The following ILKAP variants were observed in gnomAD, a reference collection of about 807,000 sequenced individuals.
ILKAP encodes ILK associated serine/threonine phosphatase.
A neutral mutation model predicts 49.1 loss-of-function variants in ILKAP; 11 were observed. That is an observed-to-expected ratio of 0.22 (90% CI 0.14 to 0.37). The LOEUF (loss-of-function observed/expected upper bound fraction) is 0.37. Ranked by LOEUF, ILKAP falls within the 10% of genes least tolerant of loss-of-function variation. The pLI, the probability that ILKAP is intolerant of heterozygous loss-of-function variation, is 1.00. For missense variants in ILKAP, 363 were observed against 510.8 expected, an observed-to-expected ratio of 0.71 and a Z score of 2.79; for synonymous variants, 186 against 192.8, an observed-to-expected ratio of 0.96 and a Z score of 0.29.
intron 9 of ILKAP, among the ~76,000 whole-genome samples, chr2:238,175,170 G>A (rs180732127): frequency 9.6e-4 from 145 of 151,808 alleles, no homozygotes; most frequent in African/African-American, 3.4e-3. Flanking sequence ...CAGGCTGGAG[G>A]GCAGTGGTGC....
In ILKAP at chr2:238,194,796, A is replaced by G; in HGVS notation, c.121+9T>C. 1 of 1,613,830 alleles carries G rather than the reference A, an allele frequency of 6.2e-7. No individual in the cohort carries two copies. The highest frequency in any genetic ancestry group is 8.5e-7 in the Non-Finnish European group (1 of 1,179,704). On this transcript the variant is annotated intron_variant, in intron 2 of 11. Transcript: ENST00000254654. The stretch of plus-strand genomic sequence containing the variant: ...TTGACACACACCTGGGAGAGCCTGA[A>G]GACTGTACCTGAGTCAGTACTGCTG...
intron 1 of ILKAP, among the ~76,000 whole-genome samples, chr2:238,200,205 T>A (rs1694513413): frequency 6.6e-6 from 1 of 152,150 alleles, no homozygotes; most frequent in African/African-American, 2.4e-5. Flanking sequence ...CAAACACTTT[T>A]TTTTAGGTAA....
chr2:238,189,953 T>C lies in ILKAP; in HGVS notation c.198A>G (p.Ile66Met), dbSNP rs34371548. Residue 66 changes from isoleucine to methionine, a missense_variant, in exon 4 of 12, where the codon ATA (isoleucine) becomes ATG (methionine). This residue lies in a region of ILKAP where 114 missense variants were observed against 116.0 expected (regional missense o/e 0.98). Transcript: ENST00000254654. ...SGDSGSLATS[I>M]SQMVKTEGKG... ...TCCCTTCAGTCTTTACCATCTGGGATATTGATGTGGCAAGAGAACCTGGAA... is the reference window on the plus strand; with the variant it reads ...TCCCTTCAGTCTTTACCATCTGGGACATTGATGTGGCAAGAGAACCTGGAA... 0.017 allele frequency: 27,325 copies of C among 1,613,964 alleles called. 387 individuals carry two copies. Among genetic ancestry groups the C allele is most frequent in the South Asian group, 0.051 (4,641 of 91,076 alleles).
chr2:238,193,788 C>G (rs112776935), intron 3 of ILKAP, among the ~76,000 whole-genome samples: 6 of 152,326 alleles, frequency 3.9e-5, no homozygotes, highest in African/African-American at 1.4e-4. Flanking sequence ...ACCAGAGGAG[C>G]TCTACCTAAG....
At chr2:238,171,278 G>C (rs1424519883) in intron 10 of ILKAP, among the ~76,000 whole-genome samples, 2 of 151,084 alleles carry the variant, frequency 1.3e-5, no homozygotes, top group Admixed American at 1.3e-4. Context: ...TCCTGCCTCA[G>C]CCTCCTGAGT....
chr2:238,180,972 A>G (rs1175164969), intron 9 of ILKAP, among the ~76,000 whole-genome samples: 1 of 152,244 alleles, frequency 6.6e-6, no homozygotes, highest in Non-Finnish European at 1.5e-5. Context: ...TTACGGTGGC[A>G]AAAACTGGGC....
At chr2:238,184,661 G>GA (rs1339069444) in intron 6 of ILKAP, among the ~76,000 whole-genome samples, 1 of 151,330 alleles carries the variant, frequency 6.6e-6, no homozygotes, top group Non-Finnish European at 1.5e-5. Flanking sequence ...CTGGGGCTCA[G>GA]AAAATCCTCC....
At chr2:238,201,869 G>C (rs1694584045) in intron 1 of ILKAP, among the ~76,000 whole-genome samples, 1 of 152,216 alleles carries the variant, frequency 6.6e-6, no homozygotes, top group Admixed American at 6.5e-5. Context: ...TTTTGAAAAT[G>C]AATGGCTGAG....
chr2:238,194,353 A>G, intron 2 of ILKAP, 22 bp from the exon 3 acceptor site: 1 of 1,612,082 alleles, frequency 6.2e-7, no homozygotes, highest in Non-Finnish European at 8.5e-7. Flanking sequence ...CAGAACACTT[A>G]GTGAGCCCAC....
intron 9 of ILKAP, 144 bp downstream of exon 9, chr2:238,181,921 T>A: frequency 1.2e-6 from 1 of 822,130 alleles, no homozygotes; most frequent in Non-Finnish European, 1.9e-6. Context: ...GTCATCCACC[T>A]ATGTCACCAG....
At chr2:238,189,829 T>C in intron 4 of ILKAP, 24 bp downstream of exon 4, 1 of 1,610,472 alleles carries the variant, frequency 6.2e-7, no homozygotes, top group Non-Finnish European at 8.5e-7. Flanking sequence ...GTCTAATACA[T>C]TTGTTTTCAA....
chr2:238,182,287 G>A, intron 8 of ILKAP, 101 bp from the exon 9 acceptor site: 1 of 1,376,096 alleles, frequency 7.3e-7, no homozygotes, highest in Non-Finnish European at 1.0e-6. Flanking sequence ...GAAGAAAACA[G>A]TTAACAATGG....
intron 3 of ILKAP, among the ~76,000 whole-genome samples, chr2:238,193,926 C>A (rs1324366815): frequency 2.0e-5 from 3 of 152,198 alleles, no homozygotes; most frequent in Non-Finnish European, 4.4e-5. Context: ...ATGCTACTAG[C>A]CTCGATACAT....
At chr2:238,199,190 T>C (rs1402979602) in intron 1 of ILKAP, among the ~76,000 whole-genome samples, 3 of 152,222 alleles carry the variant, frequency 2.0e-5, no homozygotes, top group African/African-American at 7.2e-5. Context: ...GCATCTCCAC[T>C]CATTCGACCA....
Position 238,188,994 on chromosome 2 carries a change from C to G in ILKAP, c.299-737G>C, listed in dbSNP as rs139174414. Among the ~76,000 whole-genome samples, 14 of 152,316 alleles carry G rather than the reference C, an allele frequency of 9.2e-5. No individual in the cohort carries two copies. In the South Asian group the frequency reaches 2.7e-3, roughly 29 times the overall value. Reference sequence around the variant, plus strand: ...ATCATACAGCTTTCACTGAGGTAATCTGTGACAAAGGACAATGCAGTCAAT... The same window carrying G: ...ATCATACAGCTTTCACTGAGGTAATGTGTGACAAAGGACAATGCAGTCAAT... On this transcript the variant is annotated intron_variant, in intron 4 of 11. Transcript: ENST00000254654.
intron 1 of ILKAP, among the ~76,000 whole-genome samples, chr2:238,195,834 G>A (rs1213579303): frequency 6.6e-6 from 1 of 151,936 alleles, no homozygotes; most frequent in African/African-American, 2.4e-5. Flanking sequence ...CTTGAGTCCC[G>A]GAGTTCGAGA....
chr2:238,180,167 C>CAA (rs937999114), intron 9 of ILKAP, among the ~76,000 whole-genome samples: 2 of 129,658 alleles, frequency 1.5e-5, no homozygotes, highest in Admixed American at 1.6e-4. Context: ...TTCTCTCTCT[C>CAA]AAAAAAAAAA....
At chr2:238,178,666 T>G (rs1693569056) in intron 9 of ILKAP, among the ~76,000 whole-genome samples, 2 of 152,238 alleles carry the variant, frequency 1.3e-5, no homozygotes, top group Non-Finnish European at 2.9e-5. Context: ...TAAAATGTGT[T>G]GTGTTTCCTA....
At chr2:238,203,143 C>A (rs1457891816) in intron 1 of ILKAP, among the ~76,000 whole-genome samples, 1 of 150,932 alleles carries the variant, frequency 6.6e-6, no homozygotes, top group Non-Finnish European at 1.5e-5. Flanking sequence ...GGAATCGGGG[C>A]GCGGGGGCCC....
Sources: allele counts gnomAD v4.1 joint callset (sites outside exome capture counted in the v4.1 genomes callset), GRCh38; gene constraint gnomAD v4.1.1; regional missense constraint gnomAD v4.1.1; transcripts MANE v1.5; gene names NCBI Gene and HGNC (gene_info 2026-07-23, HGNC 2026-07-21).